Variants in ARMC8 observed in about 807,000 individuals in gnomAD.
The protein encoded by ARMC8 is armadillo repeat-containing protein 8.
Under a neutral mutation model 99.3 loss-of-function variants are expected in ARMC8, and 20 were observed. That is an observed-to-expected ratio of 0.20 (90% CI 0.14 to 0.29). ARMC8 has a LOEUF of 0.29. ARMC8 is among the 10% of genes least tolerant of loss of function. The pLI, the probability that ARMC8 is intolerant of heterozygous loss-of-function variation, is 1.00. For missense variants in ARMC8, 569 were observed against 809.5 expected (o/e 0.70, Z 3.60); for synonymous variants, 263 against 278.3 (o/e 0.95, Z 0.55).
chr3:138,228,988 A>C lies in ARMC8; in HGVS notation c.506A>C (p.Gln169Pro). The stretch of plus-strand genomic sequence containing the variant: ...CGCTATACCCAGGAGTACATCTGTC[A>C]GATCTTCTCACACTGCTGTAAAGTA... ...RSRYTQEYIC[Q>P]IFSHCCKGPD... is the part of the protein sequence containing the mutation. Residue 169 changes from glutamine to proline, a missense_variant, in exon 6 of 22, where the codon CAG becomes CCG. Gln to Pro is a moderately conservative substitution (Grantham distance 76). Around this residue, in one of 2 missense-constraint regions of ARMC8, gnomAD observed 342 missense variants for 391.6 expected, o/e 0.87. Transcript: ENST00000469044. 1 of 1,609,562 alleles carries C rather than the reference A, an allele frequency of 6.2e-7. No individual in the cohort carries two copies. Among genetic ancestry groups the C allele is most frequent in the South Asian group, 1.1e-5 (1 of 90,980 alleles).
At chr3:138,288,950 T>C in intron 19 of ARMC8, 98 bp from the exon 20 acceptor site, 2 of 967,020 alleles carry the variant, frequency 2.1e-6, no homozygotes, top group Non-Finnish European at 3.2e-6. Flanking sequence ...CTTCAGACTT[T>C]TAGGTTATAG....
At chr3:138,284,665 T>G in intron 19 of ARMC8, 139 bp downstream of exon 19, 2 of 647,346 alleles carry the variant, frequency 3.1e-6, no homozygotes, top group Non-Finnish European at 5.3e-6. Context: ...AAGAACTCTC[T>G]TCCATCCTGA....
intron 19 of ARMC8, chr3:138,287,701 T>C (rs1419676311): frequency 2.2e-6 from 1 of 456,704 alleles, no homozygotes; most frequent in Non-Finnish European, 4.4e-6. Flanking sequence ...AGCCATAGAA[T>C]TCTACTGGAG....
intron 18 of ARMC8, among the ~76,000 whole-genome samples, chr3:138,283,141 CT>C (rs2050102533): frequency 6.6e-6 from 1 of 152,168 alleles, no homozygotes; most frequent in African/African-American, 2.4e-5. Flanking sequence ...CAGAGGCAGC[CT>C]TTTCTGGTTT....
intron 2 of ARMC8, among the ~76,000 whole-genome samples, chr3:138,218,288 A>G (rs1227637661): frequency 6.6e-6 from 1 of 152,150 alleles, no homozygotes; most frequent in African/African-American, 2.4e-5. Context: ...TCCATTTCAC[A>G]TTCAGCTTAT....
rs200131233 is a variant in ARMC8, at chr3:138,239,510, T to G, written c.819T>G (p.Asp273Glu). ...MCRAGAIRTD[D>E]NCIVLKTLPC... ...GAGCTGGAGCAATTCGGACAGATGA[T>G]AACTGTATTGTATTAAAGGTAAGCT... is the stretch of plus-strand genomic sequence containing the variant. Residue 273 changes from aspartate (D) to glutamate (E), a missense_variant, in exon 10 of 22, where the codon GAT becomes GAG. Physicochemically the swap from Asp to Glu is conservative, Grantham distance 45. Transcript: ENST00000469044. The G allele has an allele frequency of 1.1e-5, 17 of 1,597,748 alleles. No homozygotes were observed. Among genetic ancestry groups the G allele is most frequent in the Non-Finnish European group, 1.5e-5 (17 of 1,171,882 alleles).
At position 138,270,107 on chromosome 3, in the gene ARMC8, G is replaced by A. The variant is rs2108294310; in HGVS notation, c.1454G>A (p.Arg485Gln). ...GLTQSENPALRVNGIWALMNM... is the reference protein window; with the variant it reads ...GLTQSENPALQVNGIWALMNM... ...ACTCAGAGTGAAAATCCTGCTTTAC[G>A]AGTGAATGGAATTTGGGCTTTAATG... Residue 485 changes from arginine (R) to glutamine (Q), a missense_variant, in exon 16 of 22, where the codon CGA becomes CAA. Physicochemically the swap from Arg to Gln is conservative, Grantham distance 43. Transcript: ENST00000469044. The A allele has an allele frequency of 1.2e-6, 2 of 1,612,960 alleles. No individual in the cohort carries two copies. The highest frequency in any genetic ancestry group is 1.7e-6 in the Non-Finnish European group (2 of 1,179,178).
intron 19 of ARMC8, 53 bp from the exon 20 acceptor site, chr3:138,288,995 C>A: frequency 6.7e-7 from 1 of 1,492,350 alleles, no homozygotes; most frequent in Non-Finnish European, 9.2e-7. Flanking sequence ...AAAAAAAAAT[C>A]TAAAATGAGA....
intron 1 of ARMC8, among the ~76,000 whole-genome samples, chr3:138,203,566 A>T (rs879921713): frequency 6.6e-6 from 1 of 152,204 alleles, no homozygotes; most frequent in Non-Finnish European, 1.5e-5. Flanking sequence ...CTGTTAGAGA[A>T]AAAGGGAGGG....
chr3:138,287,604 G>A (rs2050555061), intron 19 of ARMC8: 1 of 456,286 alleles, frequency 2.2e-6, no homozygotes, highest in African/African-American at 2.0e-5. Context: ...GCTGGGAGCA[G>A]ATAAGTTTTA....
intron 18 of ARMC8, among the ~76,000 whole-genome samples, chr3:138,282,748 C>T (rs1229808041): frequency 6.6e-6 from 1 of 151,848 alleles, no homozygotes; most frequent in Non-Finnish European, 1.5e-5. Context: ...GTTCTGATGT[C>T]ATCTTGAACT....
intron 12 of ARMC8, among the ~76,000 whole-genome samples, chr3:138,260,365 T>C (rs543208621): frequency 7.3e-4 from 111 of 152,332 alleles, no homozygotes; most frequent in Admixed American, 1.8e-3. Context: ...CTCCTCATTT[T>C]ACTGAAGGCC....
intron 1 of ARMC8, among the ~76,000 whole-genome samples, chr3:138,199,534 C>T (rs191451270): frequency 6.6e-6 from 1 of 152,068 alleles, no homozygotes. Context: ...AAAGAATTGC[C>T]TAACAATTAG....
intron 2 of ARMC8, among the ~76,000 whole-genome samples, chr3:138,221,371 T>C (rs1221513667): frequency 6.6e-6 from 1 of 152,138 alleles, no homozygotes; most frequent in African/African-American, 2.4e-5. Flanking sequence ...TTAAAATACA[T>C]GTGCAATGGG....
At chr3:138,229,177 T>TATATATATAC (rs2045894335) in intron 6 of ARMC8, 167 bp downstream of exon 6, 1 of 35,854 alleles carries the variant, frequency 2.8e-5, no homozygotes, top group Admixed American at 2.8e-4. Context: ...TATATATATA[T>TATATATATAC]ATATATGTAT....
At chr3:138,218,822 T>C (rs2045230910) in intron 2 of ARMC8, among the ~76,000 whole-genome samples, 1 of 152,216 alleles carries the variant, frequency 6.6e-6, no homozygotes. Context: ...TAGAGCATTT[T>C]TCCCAACATT....
chr3:138,220,157 T>C (rs976992659), intron 2 of ARMC8, among the ~76,000 whole-genome samples: 4 of 152,170 alleles, frequency 2.6e-5, no homozygotes, highest in African/African-American at 9.7e-5. Flanking sequence ...TTAAGGTCCA[T>C]ATGCTGATGA....
At chr3:138,266,540 C>G (rs139508206) in intron 14 of ARMC8, among the ~76,000 whole-genome samples, 16 of 152,138 alleles carry the variant, frequency 1.1e-4, no homozygotes, top group Admixed American at 1.3e-4. Flanking sequence ...TTATTATTCA[C>G]TATATCACAT....
chr3:138,250,271 A>C (rs949778981), intron 12 of ARMC8, among the ~76,000 whole-genome samples: 1 of 152,158 alleles, frequency 6.6e-6, no homozygotes, highest in Non-Finnish European at 1.5e-5. Flanking sequence ...GCCACATAAT[A>C]GGTGCTCAAT....
Sources: allele counts gnomAD v4.1 joint callset (sites outside exome capture counted in the v4.1 genomes callset), GRCh38; gene constraint gnomAD v4.1.1; regional missense constraint gnomAD v4.1.1; transcripts MANE v1.5; gene names NCBI Gene and HGNC (gene_info 2026-07-23, HGNC 2026-07-21).